CSMD1: variants seen among roughly 807,000 people sequenced by gnomAD.
The protein encoded by CSMD1 is CUB and sushi domain-containing protein 1.
A neutral mutation model predicts 417.5 loss-of-function variants in CSMD1; 213 were observed. That is an observed-to-expected ratio of 0.51 (90% CI 0.46 to 0.57). The LOEUF is 0.57. CSMD1 is among the 20% of genes least tolerant of loss of function. The pLI is 0.00. For missense variants in CSMD1, 6,923 were observed against 4,529.7 expected, an observed-to-expected ratio of 1.53 and a Z score of -15.17; for synonymous variants, 2,862 against 1,736.8, an observed-to-expected ratio of 1.65 and a Z score of -16.11.
rs117015710 is a variant in CSMD1 at position 3,803,329 on chromosome 8, A to G, written c.819-49287T>C. On this transcript the variant is annotated intron_variant, in intron 5 of 69. Transcript: ENST00000635120. ...GGGTAGGGAGATACTGCTATACACA[A>G]ATACTTCAATAGACAAGACAAGACA... Among the ~76,000 whole-genome samples, 790 of 152,292 alleles carry G rather than the reference A, an allele frequency of 5.2e-3. 9 individuals carry two copies. Among genetic ancestry groups the G allele is most frequent in the Non-Finnish European group, 9.4e-3 (637 of 68,018 alleles).
intron 10 of CSMD1, among the ~76,000 whole-genome samples, chr8:3,533,170 C>T (rs1157081206): frequency 6.6e-6 from 1 of 152,076 alleles, no homozygotes; most frequent in Non-Finnish European, 1.5e-5. Flanking sequence ...AAATTCTGTG[C>T]CAAAAATTGT....
At chr8:3,876,535 C>T (rs1805833837) in intron 5 of CSMD1, among the ~76,000 whole-genome samples, 1 of 152,120 alleles carries the variant, frequency 6.6e-6, no homozygotes, top group African/African-American at 2.4e-5. Context: ...GAAATTTATT[C>T]ATATTTATTC....
In CSMD1 at chr8:3,504,905, G is replaced by A. The variant is rs545481994; in HGVS notation, c.1345-11179C>T. Reference sequence around the variant, plus strand: ...AAGGAAAATTTCTGAAGCAGAACCCGTCAAAATGCCAGTGAAATGGGCAGA... The same window carrying A: ...AAGGAAAATTTCTGAAGCAGAACCCATCAAAATGCCAGTGAAATGGGCAGA... On this transcript the variant is annotated intron_variant, in intron 10 of 69. Transcript: ENST00000635120. Among the ~76,000 whole-genome samples the A allele has an allele frequency of 7.2e-5, 11 of 152,164 alleles. No individual in the cohort carries two copies. The East Asian group carries it at 9.7e-4, about 13-fold the overall frequency.
chr8:4,320,160 G>C (rs1799186138), intron 3 of CSMD1, among the ~76,000 whole-genome samples: 2 of 152,226 alleles, frequency 1.3e-5, no homozygotes, highest in African/African-American at 2.4e-5. Context: ...ACTTTATTTA[G>C]AGAAATGCAA....
intron 3 of CSMD1, among the ~76,000 whole-genome samples, chr8:4,280,207 CCAAT>C (rs1309887048): frequency 6.6e-6 from 1 of 152,140 alleles, no homozygotes; most frequent in African/African-American, 2.4e-5. Flanking sequence ...CAAGCATAGG[CCAAT>C]CAAAGGTTAC....
chr8:4,904,108 T>A (rs934373097), intron 1 of CSMD1, among the ~76,000 whole-genome samples: 2 of 152,134 alleles, frequency 1.3e-5, no homozygotes, highest in African/African-American at 4.8e-5. Flanking sequence ...AGGCTCGAAT[T>A]CCAATGTATG....
intron 1 of CSMD1, among the ~76,000 whole-genome samples, chr8:4,685,901 A>G (rs1584944070): frequency 1.3e-5 from 2 of 152,352 alleles, no homozygotes; most frequent in Admixed American, 6.5e-5. Context: ...TTGATTCTCA[A>G]AATGAACTCT....
At chr8:3,348,590 C>T (rs1250407169) in intron 21 of CSMD1, among the ~76,000 whole-genome samples, 1 of 152,176 alleles carries the variant, frequency 6.6e-6, no homozygotes, top group African/African-American at 2.4e-5. Context: ...CCTTCATTGA[C>T]ATCTTATGGC....
intron 1 of CSMD1, among the ~76,000 whole-genome samples, chr8:4,797,011 C>T (rs573138858): frequency 3.3e-5 from 5 of 152,210 alleles, no homozygotes; most frequent in African/African-American, 1.2e-4. Context: ...ACATCTTATT[C>T]CATAAAGAAA....
Position 3,945,192 on chromosome 8 carries a change from A to C in CSMD1, c.818+52711T>G, listed in dbSNP as rs912306736. On this transcript the variant is annotated intron_variant, in intron 5 of 69. Coordinates refer to ENST00000635120, the MANE Select transcript of CSMD1 (RefSeq NM_033225.6). ...CATGAGAAAGACAAAAAAAAAAAAA[A>C]AAAAACAGAAGCTAACTATTTCTTC... is the stretch of plus-strand genomic sequence containing the variant. Among the ~76,000 whole-genome samples the C allele has an allele frequency of 4.8e-3, 726 of 152,012 alleles. 6 individuals carry two copies. The highest frequency in any genetic ancestry group is 7.9e-3 in the Non-Finnish European group (537 of 67,938).
chr8:4,416,201 C>T (rs80083046), intron 3 of CSMD1, among the ~76,000 whole-genome samples: 5 of 152,104 alleles, frequency 3.3e-5, no homozygotes, highest in East Asian at 1.9e-4. Context: ...TGTTTTGATT[C>T]AGAGCTGCTG....
intron 3 of CSMD1, among the ~76,000 whole-genome samples, chr8:4,333,057 G>C (rs1014680489): frequency 1.3e-5 from 2 of 151,858 alleles, no homozygotes; most frequent in African/African-American, 4.8e-5. Flanking sequence ...TAAATGTCAA[G>C]AGCGTTTCAT....
intron 7 of CSMD1, among the ~76,000 whole-genome samples, chr8:3,650,285 AAAAAG>A (rs531332319): frequency 1.0e-3 from 157 of 152,282 alleles, no homozygotes; most frequent in Admixed American, 2.8e-3. Flanking sequence ...CTCAGAAAAA[AAAAAG>A]AAAAGTAAAG....
At chr8:4,162,601 G>T (rs966467739) in intron 3 of CSMD1, among the ~76,000 whole-genome samples, 3 of 152,124 alleles carry the variant, frequency 2.0e-5, no homozygotes, top group African/African-American at 7.2e-5. Context: ...TTTAAGAGCA[G>T]TTTTTCTAGG....
chr8:3,427,057 C>G (rs896864382), intron 12 of CSMD1, among the ~76,000 whole-genome samples: 1 of 152,140 alleles, frequency 6.6e-6, no homozygotes, highest in Non-Finnish European at 1.5e-5. Context: ...AGAACTCACT[C>G]ACTATCACGA....
intron 3 of CSMD1, among the ~76,000 whole-genome samples, chr8:4,199,073 G>A (rs933914819): frequency 6.6e-6 from 1 of 152,034 alleles, no homozygotes; most frequent in Non-Finnish European, 1.5e-5. Flanking sequence ...AACCCCTGAG[G>A]TAGTAGAGCC....
At chr8:4,633,143 G>A (rs549993799) in intron 2 of CSMD1, among the ~76,000 whole-genome samples, 14 of 152,160 alleles carry the variant, frequency 9.2e-5, no homozygotes, top group African/African-American at 3.1e-4. Context: ...CTATGTGAAC[G>A]CTCAGGACAG....
chr8:3,402,168 G>A (rs555046639), intron 15 of CSMD1, among the ~76,000 whole-genome samples: 1 of 152,116 alleles, frequency 6.6e-6, no homozygotes. Flanking sequence ...ATCTGTGATA[G>A]TGCACAACAC....
intron 3 of CSMD1, among the ~76,000 whole-genome samples, chr8:4,117,310 C>A (rs1802212053): frequency 6.6e-6 from 1 of 151,388 alleles, no homozygotes; most frequent in South Asian, 2.1e-4. Flanking sequence ...GTGGGATCCT[C>A]CTTATACATC....
Sources: allele counts gnomAD v4.1 joint callset (sites outside exome capture counted in the v4.1 genomes callset), GRCh38; gene constraint gnomAD v4.1.1; transcripts MANE v1.5; gene names NCBI Gene and HGNC (gene_info 2026-07-23, HGNC 2026-07-21).